USH2A: variants seen among roughly 807,000 people sequenced by gnomAD.
USH2A encodes the protein Usher syndrome 2A (autosomal recessive, mild).
USH2A carries 443 observed loss-of-function variants against 538.9 expected under a neutral mutation model. The ratio of observed to expected loss-of-function variants is 0.82; its 90% CI spans 0.76 to 0.89. The LOEUF (loss-of-function observed/expected upper bound fraction) is 0.89. Among genes scored for constraint, USH2A ranks in the 40% least tolerant of loss-of-function variants. USH2A has a pLI of 0.00. For missense variants in USH2A, 6,633 were observed against 6,324.8 expected (o/e 1.05, Z -1.65); for synonymous variants, 2,413 against 2,273.5 (o/e 1.06, Z -1.75).
intron 14 of USH2A, among the ~76,000 whole-genome samples, chr1:216,231,259 A>ATAAT (rs1491391548): frequency 5.1e-5 from 5 of 98,116 alleles, no homozygotes; most frequent in Non-Finnish European, 8.4e-5. Context: ...TTATATATAT[A>ATAAT]ATATATATAT....
intron 50 of USH2A, among the ~76,000 whole-genome samples, chr1:215,793,799 G>A (rs942377610): frequency 1.3e-5 from 2 of 152,070 alleles, no homozygotes; most frequent in Non-Finnish European, 2.9e-5. Context: ...ATCAAAGGCC[G>A]CATGGACAAA....
At chr1:215,977,606 C>T (rs750061677) in intron 35 of USH2A, among the ~76,000 whole-genome samples, 14 of 151,962 alleles carry the variant, frequency 9.2e-5, no homozygotes, top group South Asian at 4.2e-4. Flanking sequence ...TCCCAGGAGG[C>T]GAATTAAGCG....
At position 215,630,513 on chromosome 1, in the gene USH2A, T is replaced by G. The variant is rs1230304032; in HGVS notation, c.15298-1478A>C. On this transcript the variant is annotated intron_variant, in intron 70 of 71. Coordinates refer to ENST00000307340, the MANE Select transcript of USH2A (RefSeq NM_206933.4). ...ATATATATATATATATATATATATATATATATATATATATGAGAGAGAGAA... is the reference window on the plus strand; with the variant it reads ...ATATATATATATATATATATATATAGATATATATATATATGAGAGAGAGAA... Among the ~76,000 whole-genome samples the G allele has an allele frequency of 4.1e-4, 43 of 105,030 alleles. 1 individual carries two copies. Among genetic ancestry groups the G allele is most frequent in the African/African-American group, 1.2e-3 (39 of 33,102 alleles). The allele number at this position is 105,030 out of a possible 152,430, so 68.9% of individuals were successfully genotyped here.
At chr1:216,060,193 A>T (rs2031127282) in intron 30 of USH2A, among the ~76,000 whole-genome samples, 1 of 152,204 alleles carries the variant, frequency 6.6e-6, no homozygotes, top group Non-Finnish European at 1.5e-5. Context: ...CAAAAATACA[A>T]TTGGAGCATT....
At chr1:215,812,747 T>C (rs1662731232) in intron 49 of USH2A, among the ~76,000 whole-genome samples, 1 of 152,226 alleles carries the variant, frequency 6.6e-6, no homozygotes, top group African/African-American at 2.4e-5. Context: ...GTATTCTCAA[T>C]TACTTTTGCA....
chr1:215,772,709 A>G (rs1051460694), intron 55 of USH2A, among the ~76,000 whole-genome samples: 22 of 152,238 alleles, frequency 1.4e-4, no homozygotes, highest in African/African-American at 5.3e-4. Context: ...AAAAAAAGGC[A>G]CTTTAGCCAT....
intron 64 of USH2A, 91 bp from the exon 65 acceptor site, chr1:215,650,892 G>A (rs1161079761): frequency 2.2e-6 from 3 of 1,333,988 alleles, no homozygotes; most frequent in East Asian, 4.8e-5. Flanking sequence ...AACGAAATTG[G>A]CAACCAAAAG....
chr1:216,009,801 A>G lies in USH2A; in HGVS notation c.6326-9239T>C, dbSNP rs1001673848. 3.0e-4 allele frequency among the ~76,000 whole-genome samples: 45 copies of G among 152,140 alleles called. 2 individuals carry two copies. The highest frequency in any genetic ancestry group is 1.0e-4 in the Non-Finnish European group (7 of 68,034). On this transcript the variant is annotated intron_variant, in intron 32 of 71. Coordinates refer to ENST00000307340, the MANE Select transcript of USH2A (RefSeq NM_206933.4). ...CCAGTCCGGCTTACAGTTTCGTTCC[A>G]TGACTAGCCCTCCCCAACCTGACCA... is the stretch of plus-strand genomic sequence containing the variant.
chr1:215,630,466 A>G (rs1244324335), intron 70 of USH2A, among the ~76,000 whole-genome samples: 1 of 114,624 alleles, frequency 8.7e-6, no homozygotes, highest in Non-Finnish European at 1.7e-5. Context: ...ATATATATGT[A>G]TGTGTATGTG....
At chr1:216,152,284 C>T (rs2033853199) in intron 21 of USH2A, among the ~76,000 whole-genome samples, 1 of 152,196 alleles carries the variant, frequency 6.6e-6, no homozygotes, top group African/African-American at 2.4e-5. Flanking sequence ...CCTGAAGTAA[C>T]TAAAGAATCA....
Position 215,674,851 on chromosome 1 carries a change from C to G in USH2A, c.13060G>C (p.Ala4354Pro). The change falls in exon 63 of 72, where the codon GCT (alanine) becomes CCT (proline). Residue 4354 changes from alanine (A) to proline (P), a missense_variant. Coordinates refer to ENST00000307340, the MANE Select transcript of USH2A (RefSeq NM_206933.4). ...SKPTSITTLE[A>P]APSEVSPPDL... Reference sequence around the variant, plus strand: ...GGAGGGCTGACTTCTGATGGAGCAGCCTCCAGAGTTGTGATGCTGGTGGGT... The same window carrying G: ...GGAGGGCTGACTTCTGATGGAGCAGGCTCCAGAGTTGTGATGCTGGTGGGT... 2 of 1,614,168 alleles carry G rather than the reference C, an allele frequency of 1.2e-6. No homozygotes were observed. The highest frequency in any genetic ancestry group is 1.7e-6 in the Non-Finnish European group (2 of 1,180,032).
chr1:216,390,603 C>T (rs1558067498), intron 3 of USH2A, among the ~76,000 whole-genome samples: 1 of 152,188 alleles, frequency 6.6e-6, no homozygotes, highest in East Asian at 1.9e-4. Context: ...TCTTAAAAGG[C>T]TAATATTCTT....
chr1:216,052,565 G>T (rs1459987938), intron 30 of USH2A, among the ~76,000 whole-genome samples: 1 of 152,098 alleles, frequency 6.6e-6, no homozygotes. Flanking sequence ...GACAAAGTTT[G>T]TCAAACCAAC....
intron 21 of USH2A, among the ~76,000 whole-genome samples, chr1:216,168,389 A>C (rs559654567): frequency 1.3e-5 from 2 of 152,304 alleles, no homozygotes; most frequent in East Asian, 3.9e-4. Flanking sequence ...AATGAAAATG[A>C]CTTTGCAAAA....
intron 60 of USH2A, among the ~76,000 whole-genome samples, chr1:215,735,670 G>T (rs1037485262): frequency 6.6e-6 from 1 of 151,922 alleles, no homozygotes; most frequent in Non-Finnish European, 1.5e-5. Flanking sequence ...GCACTATTTT[G>T]GTGTTTAACA....
intron 36 of USH2A, among the ~76,000 whole-genome samples, chr1:215,969,379 C>T (rs1667435535): frequency 6.6e-6 from 1 of 152,114 alleles, no homozygotes; most frequent in Non-Finnish European, 1.5e-5. Flanking sequence ...AACGTAGCTA[C>T]TGTCTGTGCA....
Position 215,782,138 on chromosome 1 carries a change from T to C in USH2A, c.10644A>G (p.Ser3548=). 6.2e-7 allele frequency: 1 copy of C among 1,613,982 alleles called. No homozygotes were observed. The highest frequency in any genetic ancestry group is 8.5e-7 in the Non-Finnish European group (1 of 1,179,886). ...RNGIERFRGT[S]LSFSDKEGIQ... ...TTCCCTCTTTATCAGAGAAGCTCAG[T>C]GATGTTCCCCGAAAACGTTCAATTC... is the stretch of plus-strand genomic sequence containing the variant. The change falls in exon 54 of 72, where the codon TCA becomes TCG. Residue 3548 remains serine, a synonymous_variant. Coordinates refer to ENST00000307340, the MANE Select transcript of USH2A (RefSeq NM_206933.4).
Position 215,674,963 on chromosome 1 carries a change from G to T in USH2A, c.12948C>A (p.Phe4316Leu). The T allele has an allele frequency of 6.2e-7, 1 of 1,614,192 alleles. No homozygotes were observed. Among genetic ancestry groups the T allele is most frequent in the South Asian group, 1.1e-5 (1 of 91,080 alleles). Residue 4316 changes from phenylalanine to leucine, a missense_variant, in exon 63 of 72, where the codon TTC becomes TTA. Coordinates refer to ENST00000307340, the MANE Select transcript of USH2A (RefSeq NM_206933.4). ...GAAGAAGCTCTTCATCAGTGTAATTGAAAGTCACAGGATCAAAGCTAAAAG... is the reference window on the plus strand; with the variant it reads ...GAAGAAGCTCTTCATCAGTGTAATTTAAAGTCACAGGATCAAAGCTAAAAG... The part of the protein sequence containing the change: ...LYPFSFDPVT[F>L]NYTDEELLPF...
chr1:216,420,876 T>C (rs1381862167), intron 2 of USH2A, among the ~76,000 whole-genome samples: 1 of 152,166 alleles, frequency 6.6e-6, no homozygotes, highest in Non-Finnish European at 1.5e-5. Context: ...AAATTGAAAC[T>C]AAACACCAAA....
Sources: allele counts gnomAD v4.1 joint callset (sites outside exome capture counted in the v4.1 genomes callset), GRCh38; gene constraint gnomAD v4.1.1; transcripts MANE v1.5; gene names NCBI Gene and HGNC (gene_info 2026-07-23, HGNC 2026-07-21).